The following LHFPL6 variants were observed in gnomAD, a reference collection of about 807,000 sequenced individuals.
LHFPL6 encodes LHFPL tetraspan subfamily member 6 protein.
LHFPL6 carries 9 observed loss-of-function variants against 20.6 expected under a neutral mutation model. That is an observed-to-expected ratio of 0.44 (90% CI 0.26 to 0.76). The LOEUF is 0.76. Ranked by LOEUF, LHFPL6 falls within the 30% of genes least tolerant of loss-of-function variation. The pLI is 0.20. For missense variants in LHFPL6, 218 were observed against 253.5 expected, an observed-to-expected ratio of 0.86 and a Z score of 0.95; for synonymous variants, 105 against 98.7, an observed-to-expected ratio of 1.06 and a Z score of -0.38.
intron 2 of LHFPL6, among the ~76,000 whole-genome samples, chr13:39,469,158 T>C (rs1161638067): frequency 2.6e-5 from 4 of 152,180 alleles, no homozygotes; most frequent in Non-Finnish European, 4.4e-5. Context: ...ACTCTACTTT[T>C]GTCTCCTGGC....
chr13:39,543,178 T>C (rs1272537708), intron 2 of LHFPL6, among the ~76,000 whole-genome samples: 1 of 152,238 alleles, frequency 6.6e-6, no homozygotes, highest in African/African-American at 2.4e-5. Context: ...GTTGAAGCAC[T>C]TATCAGAATT....
chr13:39,490,493 A>T (rs978987010), intron 2 of LHFPL6, among the ~76,000 whole-genome samples: 1 of 152,300 alleles, frequency 6.6e-6, no homozygotes, highest in African/African-American at 2.4e-5. Context: ...TGTTAACTCC[A>T]TCTCCACTCT....
chr13:39,587,622 A>C (rs1872489655), intron 2 of LHFPL6, among the ~76,000 whole-genome samples: 1 of 152,134 alleles, frequency 6.6e-6, no homozygotes, highest in South Asian at 2.1e-4. Flanking sequence ...GGATCCATCC[A>C]GGGAAGCCGA....
intron 2 of LHFPL6, among the ~76,000 whole-genome samples, chr13:39,444,966 C>G (rs1872246910): frequency 6.6e-6 from 1 of 152,202 alleles, no homozygotes; most frequent in South Asian, 2.1e-4. Flanking sequence ...CTGAGCCCAG[C>G]AAAGCCACAG....
chr13:39,514,364 G>A (rs975731329), intron 2 of LHFPL6, among the ~76,000 whole-genome samples: 30 of 152,168 alleles, frequency 2.0e-4, no homozygotes, highest in African/African-American at 7.2e-4. Context: ...GCTCAGCAGT[G>A]CAATGACTGG....
chr13:39,468,410 A>C (rs1872857725), intron 2 of LHFPL6, among the ~76,000 whole-genome samples: 1 of 152,154 alleles, frequency 6.6e-6, no homozygotes, highest in Non-Finnish European at 1.5e-5. Context: ...TGTGGGCAGC[A>C]GGAACTGTGT....
chr13:39,510,043 C>G (rs904180395), intron 2 of LHFPL6, among the ~76,000 whole-genome samples: 1 of 152,200 alleles, frequency 6.6e-6, no homozygotes, highest in African/African-American at 2.4e-5. Context: ...CAGAAACTCA[C>G]GGTGCTCAAA....
chr13:39,408,480 T>C (rs1396285564), intron 2 of LHFPL6, among the ~76,000 whole-genome samples: 4 of 152,238 alleles, frequency 2.6e-5, no homozygotes, highest in South Asian at 2.1e-4. Context: ...TGCTTACATA[T>C]AGACAATTAT....
intron 2 of LHFPL6, among the ~76,000 whole-genome samples, chr13:39,597,035 A>G (rs930772119): frequency 6.6e-6 from 1 of 152,252 alleles, no homozygotes; most frequent in Admixed American, 6.5e-5. Flanking sequence ...TTCTGACATC[A>G]TTACTGTCTT....
At chr13:39,596,770 T>C (rs991377350) in intron 2 of LHFPL6, among the ~76,000 whole-genome samples, 8 of 152,236 alleles carry the variant, frequency 5.3e-5, no homozygotes, top group African/African-American at 1.4e-4. Context: ...AAAGCCACTA[T>C]GCCCATTAAT....
At chr13:39,589,312 G>A (rs936359852) in intron 2 of LHFPL6, among the ~76,000 whole-genome samples, 3 of 152,036 alleles carry the variant, frequency 2.0e-5, no homozygotes, top group African/African-American at 7.2e-5. Flanking sequence ...TCACCATGTT[G>A]GTCAGGCTGG....
intron 2 of LHFPL6, among the ~76,000 whole-genome samples, chr13:39,597,842 T>C (rs116986316): frequency 3.7e-4 from 56 of 152,348 alleles, no homozygotes; most frequent in Non-Finnish European, 6.3e-4. Context: ...AGCAAGAAGA[T>C]TCAGAATTAA....
intron 2 of LHFPL6, among the ~76,000 whole-genome samples, chr13:39,597,554 C>T (rs1872806917): frequency 6.6e-6 from 1 of 152,140 alleles, no homozygotes; most frequent in African/African-American, 2.4e-5. Flanking sequence ...TTTTATTTTA[C>T]ATTGTATTTC....
At chr13:39,555,324 CTTT>C (rs74344851) in intron 2 of LHFPL6, among the ~76,000 whole-genome samples, 9 of 135,088 alleles carry the variant, frequency 6.7e-5, no homozygotes, top group Admixed American at 1.5e-4. Flanking sequence ...TCTCCCCGCC[CTTT>C]TTTTTTTTTT....
intron 2 of LHFPL6, among the ~76,000 whole-genome samples, chr13:39,598,598 C>T (rs1872837630): frequency 1.3e-5 from 2 of 152,082 alleles, no homozygotes; most frequent in African/African-American, 4.8e-5. Context: ...CTCTGTCGCC[C>T]AGGCTGGAGT....
chr13:39,561,222 A>C (rs573462897), intron 2 of LHFPL6, among the ~76,000 whole-genome samples: 7 of 152,058 alleles, frequency 4.6e-5, no homozygotes, highest in African/African-American at 1.7e-4. Context: ...TTAGAATGCC[A>C]GTAGAGCAGT....
chr13:39,401,551 C>G (rs1436555109), intron 2 of LHFPL6, among the ~76,000 whole-genome samples: 1 of 152,158 alleles, frequency 6.6e-6, no homozygotes, highest in Non-Finnish European at 1.5e-5. Flanking sequence ...GAAAGATAAG[C>G]AGCATGAGTA....
intron 3 of LHFPL6, among the ~76,000 whole-genome samples, chr13:39,349,674 C>T (rs1345909765): frequency 1.3e-5 from 2 of 152,090 alleles, no homozygotes; most frequent in Non-Finnish European, 2.9e-5. Flanking sequence ...ATCCAGGATG[C>T]GAAGGCAGCA....
chr13:39,411,248 T>C (rs1192861426), intron 2 of LHFPL6, among the ~76,000 whole-genome samples: 1 of 152,194 alleles, frequency 6.6e-6, no homozygotes, highest in Non-Finnish European at 1.5e-5. Flanking sequence ...CTTATTTTTA[T>C]GTCCACACCA....
Sources: allele counts gnomAD v4.1 joint callset (sites outside exome capture counted in the v4.1 genomes callset), GRCh38; gene constraint gnomAD v4.1.1; transcripts MANE v1.5; gene names NCBI Gene and HGNC (gene_info 2026-07-23, HGNC 2026-07-21).